The following CNTNAP2 variants were observed in gnomAD, a reference collection of about 807,000 sequenced individuals.
CNTNAP2 encodes contactin associated protein 2, also known as contactin-associated protein-like 2.
In CNTNAP2, 98 loss-of-function variants were observed where a neutral mutation model predicts 155.2. That is an observed-to-expected ratio of 0.63 (90% CI 0.54 to 0.75). CNTNAP2 has a LOEUF of 0.75. CNTNAP2 is among the 30% of genes least tolerant of loss of function. CNTNAP2 has a pLI of 0.00. For missense variants in CNTNAP2, 1,727 were observed against 1,688.1 expected (o/e 1.02, Z -0.40); for synonymous variants, 651 against 631.2 (o/e 1.03, Z -0.47).
At chr7:147,911,322 A>G (rs1398246910) in intron 14 of CNTNAP2, among the ~76,000 whole-genome samples, 1 of 152,232 alleles carries the variant, frequency 6.6e-6, no homozygotes, top group East Asian at 1.9e-4. Context: ...ACAGGGTTGC[A>G]ACATTTGCCA....
chr7:147,985,426 T>TTG (rs1801601947), intron 15 of CNTNAP2, among the ~76,000 whole-genome samples: 1 of 147,170 alleles, frequency 6.8e-6, no homozygotes, highest in Non-Finnish European at 1.5e-5. Flanking sequence ...TTTTTTTTTT[T>TTG]GCGAATCTTC....
chr7:147,094,252 C>T (rs1218799314), intron 4 of CNTNAP2, among the ~76,000 whole-genome samples: 1 of 152,174 alleles, frequency 6.6e-6, no homozygotes, highest in Non-Finnish European at 1.5e-5. Context: ...ACCCAAATTT[C>T]TATCAACATT....
chr7:147,693,875 C>T (rs568366797), intron 13 of CNTNAP2, among the ~76,000 whole-genome samples: 2 of 152,052 alleles, frequency 1.3e-5, no homozygotes, highest in Admixed American at 1.3e-4. Flanking sequence ...ACTTTCAGTA[C>T]AGTATTGAAA....
intron 2 of CNTNAP2, among the ~76,000 whole-genome samples, chr7:146,810,615 GCTTT>G (rs1435553957): frequency 7.0e-6 from 1 of 142,302 alleles, no homozygotes; most frequent in African/African-American, 3.1e-5. Flanking sequence ...CAATTAGGAT[GCTTT>G]CTATCTGTTT....
At chr7:146,946,950 T>A (rs7793884) in intron 3 of CNTNAP2, among the ~76,000 whole-genome samples, 55,055 of 151,918 alleles carry the variant, frequency 0.36, 10,504 homozygotes, top group Middle Eastern at 0.43. Flanking sequence ...TAGATATTTT[T>A]GTTCCTGTAG....
intron 13 of CNTNAP2, among the ~76,000 whole-genome samples, chr7:147,775,707 A>G (rs1797574203): frequency 6.6e-6 from 1 of 151,996 alleles, no homozygotes; most frequent in African/African-American, 2.4e-5. Flanking sequence ...GGCTGAATCA[A>G]TAGAAGATAA....
chr7:146,468,871 A>C (rs7796131), intron 1 of CNTNAP2, among the ~76,000 whole-genome samples: 232 of 152,316 alleles, frequency 1.5e-3, no homozygotes, highest in African/African-American at 5.5e-3. Context: ...GCACAACCAA[A>C]TTAAATGTTA....
At chr7:146,868,382 G>A (rs1050999993) in intron 3 of CNTNAP2, among the ~76,000 whole-genome samples, 6 of 152,096 alleles carry the variant, frequency 3.9e-5, no homozygotes, top group African/African-American at 1.2e-4. Context: ...CTATGTGCCT[G>A]TTTGTGTACC....
At chr7:146,440,831 ATATCT>A (rs1385300796) in intron 1 of CNTNAP2, among the ~76,000 whole-genome samples, 1 of 151,620 alleles carries the variant, frequency 6.6e-6, no homozygotes, top group Admixed American at 6.6e-5. Context: ...TTTTACATAA[ATATCT>A]TGTCTAGTTA....
chr7:147,147,753 C>T (rs528668928), intron 8 of CNTNAP2, among the ~76,000 whole-genome samples: 11 of 152,076 alleles, frequency 7.2e-5, no homozygotes, highest in African/African-American at 2.4e-4. Context: ...CTATAGTAGC[C>T]GAACAGAGGA....
At chr7:146,138,681 T>C (rs1247430006) in intron 1 of CNTNAP2, among the ~76,000 whole-genome samples, 1 of 152,132 alleles carries the variant, frequency 6.6e-6, no homozygotes, top group East Asian at 1.9e-4. Context: ...TGTGTGTACA[T>C]ATGTGTGTGT....
At chr7:148,315,199 C>A (rs1797666381) in intron 21 of CNTNAP2, among the ~76,000 whole-genome samples, 1 of 152,112 alleles carries the variant, frequency 6.6e-6, no homozygotes, top group African/African-American at 2.4e-5. Context: ...AGTCACAGCA[C>A]CAAATTTCAC....
chr7:146,735,680 T>C (rs1801604218), intron 1 of CNTNAP2, among the ~76,000 whole-genome samples: 2 of 152,318 alleles, frequency 1.3e-5, no homozygotes, highest in South Asian at 2.1e-4. Flanking sequence ...TTTATATACA[T>C]GTATATGTAT....
chr7:148,184,642 C>T (rs142834104), intron 18 of CNTNAP2, among the ~76,000 whole-genome samples: 215 of 152,334 alleles, frequency 1.4e-3, no homozygotes, highest in African/African-American at 4.9e-3. Flanking sequence ...ACCAGAAACA[C>T]AGACAACACT....
intron 1 of CNTNAP2, among the ~76,000 whole-genome samples, chr7:146,428,415 T>C (rs1373307685): frequency 1.3e-5 from 2 of 152,120 alleles, no homozygotes; most frequent in Non-Finnish European, 2.9e-5. Context: ...ATCTGTTGTT[T>C]TTTGACTTTT....
At chr7:146,395,656 C>G (rs1795609042) in intron 1 of CNTNAP2, among the ~76,000 whole-genome samples, 1 of 152,052 alleles carries the variant, frequency 6.6e-6, no homozygotes, top group Non-Finnish European at 1.5e-5. Context: ...AATACCAAGA[C>G]AGTTAAAAAG....
chr7:147,287,726 A>T (rs1805212596), intron 8 of CNTNAP2, among the ~76,000 whole-genome samples: 1 of 152,090 alleles, frequency 6.6e-6, no homozygotes, highest in Non-Finnish European at 1.5e-5. Flanking sequence ...AGATTCGCCC[A>T]ACCTCGACTC....
At chr7:146,749,187 A>G (rs1385108991) in intron 1 of CNTNAP2, among the ~76,000 whole-genome samples, 2 of 152,164 alleles carry the variant, frequency 1.3e-5, no homozygotes, top group Non-Finnish European at 2.9e-5. Flanking sequence ...TTTACTAAAT[A>G]TGTATCTATA....
chr7:147,585,531 A>C lies in CNTNAP2; in HGVS notation c.1897+23274A>C, dbSNP rs1405777237. 3.3e-5 allele frequency among the ~76,000 whole-genome samples: 5 copies of C among 150,782 alleles called. No individual in the cohort carries two copies. In the East Asian group the frequency reaches 7.8e-4, roughly 23 times the overall value. On this transcript the variant is annotated intron_variant, in intron 12 of 23. Coordinates refer to ENST00000361727, the MANE Select transcript of CNTNAP2 (RefSeq NM_014141.6). Reference sequence around the variant, plus strand: ...ATATATAGATAGATGATATATATAGATCTATATATATGATATCAATATATG... The same window carrying C: ...ATATATAGATAGATGATATATATAGCTCTATATATATGATATCAATATATG...
Sources: allele counts gnomAD v4.1 joint callset (sites outside exome capture counted in the v4.1 genomes callset), GRCh38; gene constraint gnomAD v4.1.1; transcripts MANE v1.5; gene names NCBI Gene and HGNC (gene_info 2026-07-23, HGNC 2026-07-21).